CELF2: variants seen among roughly 807,000 people sequenced by gnomAD.
CELF2 encodes the protein CUGBP Elav-like family member 2.
In CELF2, 8 loss-of-function variants were observed where a neutral mutation model predicts 62.6. That is an observed-to-expected ratio of 0.13 (90% CI 0.07 to 0.23). The LOEUF is 0.23. Among genes scored for constraint, CELF2 ranks in the 10% least tolerant of loss-of-function variants. The probability of loss-of-function intolerance (pLI) is 1.00; values close to 1 mark genes in which losing one functional copy is unlikely to be tolerated. For synonymous variants in CELF2, 258 were observed against 250.0 expected, an observed-to-expected ratio of 1.03 and a Z score of -0.30; for missense variants, 333 against 671.0, an observed-to-expected ratio of 0.50 and a Z score of 5.56.
intron 1 of CELF2, among the ~76,000 whole-genome samples, chr10:10,884,147 C>G (rs1349264777): frequency 6.6e-6 from 1 of 152,154 alleles, no homozygotes; most frequent in African/African-American, 2.4e-5. Context: ...AAAAGAATAA[C>G]ACCACGAAAT....
intron 3 of CELF2, among the ~76,000 whole-genome samples, chr10:11,235,487 C>T (rs2070857694): frequency 6.6e-6 from 1 of 152,188 alleles, no homozygotes; most frequent in Non-Finnish European, 1.5e-5. Flanking sequence ...CATAATTTCT[C>T]TAAGCTCTAC....
chr10:10,922,936 T>C (rs2065059387), intron 2 of CELF2: 1 of 152,196 alleles, frequency 6.6e-6, no homozygotes, highest in Non-Finnish European at 1.5e-5. Context: ...CATGAAATCA[T>C]GTAATGATTT....
chr10:11,152,660 T>G (rs1171770941), intron 1 of CELF2, among the ~76,000 whole-genome samples: 1 of 152,242 alleles, frequency 6.6e-6, no homozygotes, highest in East Asian at 1.9e-4. Flanking sequence ...AAAAAGGAAA[T>G]TTTTCCTTCA....
At chr10:10,761,954 G>A in the CELF2 span, among the ~76,000 whole-genome samples, 17,381 of 141,478 alleles carry the variant, frequency 0.12, 1,235 homozygotes, top group East Asian at 0.32. Flanking sequence ...GTGTGTGTGT[G>A]TAGACAGATA....
Position 11,321,016 on chromosome 10 carries a change from A to T in CELF2, c.1097-173A>T, listed in dbSNP as rs2095413326. 7.5e-7 allele frequency: 1 copy of T among 1,342,198 alleles called. No homozygotes were observed. Among genetic ancestry groups the T allele is most frequent in the African/African-American group, 1.5e-5 (1 of 67,544 alleles). The allele number at this position is 1,342,198 out of a possible 1,614,324, so 83.1% of individuals were successfully genotyped here. A position where few individuals can be genotyped will look rare whatever the true frequency, so the allele number is the denominator to read the frequency against. Reference sequence around the variant, plus strand: ...CTCATGGCTTAGGTCATTTTCCCCCATTATCACGATTTATTTCTTCATGGT... The same window carrying T: ...CTCATGGCTTAGGTCATTTTCCCCCTTTATCACGATTTATTTCTTCATGGT... On this transcript the variant is annotated intron_variant, in intron 10 of 12. Transcript: ENST00000633077. The surrounding 1 kb of genome is among the most constrained non-coding windows in gnomAD (Gnocchi z 6.2).
chr10:10,882,091 A>G (rs17149030), intron 1 of CELF2, among the ~76,000 whole-genome samples: 1,862 of 152,252 alleles, frequency 0.012, 46 homozygotes, highest in African/African-American at 0.043. Flanking sequence ...TACCATATCC[A>G]TTTATTTGGC....
Position 11,165,802 on chromosome 10 carries a change from GGTGCTGGCGGCCCCT to G in CELF2, c.271+126_271+140del, listed in dbSNP as rs2066926832. ...GTAGGCAGGAGGGCTGGAAGCAGCC[GGTGCTGGCGGCCCCT>G]GTGCTCCAGGGGCTGCTCCCGACTC... On this transcript the variant is annotated intron_variant, in intron 2 of 12. Transcript: ENST00000633077. The surrounding 1 kb of genome is among the most constrained non-coding windows in gnomAD (Gnocchi z 7.4). The G allele has an allele frequency of 5.3e-6, 5 of 935,322 alleles. No homozygotes were observed. Among genetic ancestry groups the G allele is most frequent in the Non-Finnish European group, 7.8e-6 (5 of 644,072 alleles). The allele number at this position is 935,322 out of a possible 1,614,324, so 57.9% of individuals were successfully genotyped here.
intron 2 of CELF2, among the ~76,000 whole-genome samples, chr10:10,954,160 G>A (rs1279963713): frequency 6.6e-6 from 1 of 151,124 alleles, no homozygotes. Flanking sequence ...TCCCACTGTG[G>A]ATAGGAGCAT....
intron 1 of CELF2, among the ~76,000 whole-genome samples, chr10:10,823,345 T>C (rs935327414): frequency 1.3e-5 from 2 of 152,204 alleles, no homozygotes; most frequent in African/African-American, 4.8e-5. Context: ...TTTGCAGGCG[T>C]TCCCAGGGTT....
At chr10:10,619,432 T>C in the CELF2 span, among the ~76,000 whole-genome samples, 6 of 152,306 alleles carry the variant, frequency 3.9e-5, no homozygotes, top group Admixed American at 3.3e-4. Context: ...AAATAGAACA[T>C]AGAAATCTTT....
the CELF2 span, among the ~76,000 whole-genome samples, chr10:10,501,158 T>C: frequency 6.6e-6 from 1 of 152,218 alleles, no homozygotes; most frequent in Admixed American, 6.5e-5. Context: ...GGTATTTGCA[T>C]GTTTAGTTTT....
At chr10:10,529,996 G>A in the CELF2 span, among the ~76,000 whole-genome samples, 1 of 152,172 alleles carries the variant, frequency 6.6e-6, no homozygotes, top group Admixed American at 6.5e-5. Context: ...GCCCAGATGG[G>A]AGATGAGAGG....
chr10:10,878,554 C>T (rs2061253790), intron 1 of CELF2, among the ~76,000 whole-genome samples: 1 of 152,178 alleles, frequency 6.6e-6, no homozygotes, highest in Non-Finnish European at 1.5e-5. Context: ...ATCTCATACA[C>T]ACACGTCCAA....
intron 1 of CELF2, among the ~76,000 whole-genome samples, chr10:11,084,248 C>A: frequency 6.6e-6 from 1 of 152,188 alleles, no homozygotes; most frequent in Non-Finnish European, 1.5e-5. Context: ...GTGGTGGAAA[C>A]AAACGCAAGT....
the CELF2 span, among the ~76,000 whole-genome samples, chr10:10,779,018 TG>T: frequency 6.6e-6 from 1 of 152,164 alleles, no homozygotes; most frequent in African/African-American, 2.4e-5. Flanking sequence ...AGAACAAAGA[TG>T]GGGGCCTTAG....
rs774472081 is a variant in CELF2, at chr10:11,280,729, G to A, written c.841+5609G>A. 7.2e-5 allele frequency among the ~76,000 whole-genome samples: 11 copies of A among 152,204 alleles called. No individual in the cohort carries two copies. The highest frequency in any genetic ancestry group is 1.0e-4 in the Non-Finnish European group (7 of 68,034). The stretch of plus-strand genomic sequence containing the variant: ...GACACATGGGCCACGGCCTCTGCCT[G>A]GCTGAGTGGACAGAGGCCGCTCTGG... On this transcript the variant is annotated intron_variant, in intron 8 of 12. Coordinates refer to ENST00000633077, the MANE Select transcript of CELF2 (RefSeq NM_001326342.2). The surrounding 1 kb of genome is among the most constrained non-coding windows in gnomAD (Gnocchi z 7.6).
rs760692538 is a variant in CELF2 at position 10,931,886 on chromosome 10, A to G, written c.89+11887A>G. Among the ~76,000 whole-genome samples the G allele has an allele frequency of 1.3e-5, 2 of 152,164 alleles. No homozygotes were observed. Among genetic ancestry groups the G allele is most frequent in the African/African-American group, 2.4e-5 (1 of 41,434 alleles). On this transcript the variant is annotated intron_variant, in intron 2 of 13. Coordinates refer to the CELF2 transcript ENST00000636488. The surrounding 1 kb of genome is among the most constrained non-coding windows in gnomAD (Gnocchi z 6.1). ...CAACCATGGCAGAAGGTGAATGAGG[A>G]TCAAAGTCATGTCTTACATGGTGGC... is the stretch of plus-strand genomic sequence containing the variant.
chr10:10,842,538 A>C (rs1301740482), intron 1 of CELF2, among the ~76,000 whole-genome samples: 1 of 152,054 alleles, frequency 6.6e-6, no homozygotes. Context: ...TTCTGCATCA[A>C]TTGACGTGAT....
chr10:10,933,068 G>C (rs908916400), intron 2 of CELF2, among the ~76,000 whole-genome samples: 2 of 152,106 alleles, frequency 1.3e-5, no homozygotes, highest in African/African-American at 4.8e-5. Flanking sequence ...GCTGAGGCAG[G>C]AGGAATGCTT....
Sources: allele counts gnomAD v4.1 joint callset (sites outside exome capture counted in the v4.1 genomes callset), GRCh38; gene constraint gnomAD v4.1.1; non-coding constraint Gnocchi (gnomAD v3.1); transcripts MANE v1.5; gene names NCBI Gene and HGNC (gene_info 2026-07-23, HGNC 2026-07-21).